Variants in TTC3 observed in about 807,000 individuals in gnomAD.
TTC3 encodes the protein tetratricopeptide repeat domain 3.
TTC3 carries 180 observed loss-of-function variants against 249.6 expected under a neutral mutation model. The ratio of observed to expected loss-of-function variants is 0.72; its 90% CI spans 0.64 to 0.82. The LOEUF (loss-of-function observed/expected upper bound fraction) is 0.82, where lower values mean the gene tolerates loss of function less well. Ranked by LOEUF, TTC3 falls within the 40% of genes least tolerant of loss-of-function variation. The pLI, the probability that TTC3 is intolerant of heterozygous loss-of-function variation, is 0.00. For synonymous variants in TTC3, 717 were observed against 805.0 expected (o/e 0.89, Z 1.85); for missense variants, 2,061 against 2,398.4 (o/e 0.86, Z 2.94).
intron 35 of TTC3, among the ~76,000 whole-genome samples, chr21:37,180,087 G>C (rs2082618859): frequency 6.6e-6 from 1 of 152,200 alleles, no homozygotes. Context: ...TGCTGGTCTT[G>C]TGGGGCGTTT....
chr21:37,132,811 C>G, intron 17 of TTC3, 45 bp downstream of exon 17: 1 of 1,450,400 alleles, frequency 6.9e-7, no homozygotes, highest in Non-Finnish European at 9.4e-7. Flanking sequence ...ACTCTTTGAA[C>G]AAAACATTGT....
intron 23 of TTC3, among the ~76,000 whole-genome samples, chr21:37,149,649 G>A (rs186011426): frequency 9.4e-4 from 143 of 152,268 alleles, no homozygotes; most frequent in Non-Finnish European, 1.6e-3. Flanking sequence ...GACTTGTCCT[G>A]CAGTTCTGCA....
chr21:37,138,660 T>C (rs1282303858), exon 19 of TTC3: 1 of 1,612,684 alleles, frequency 6.2e-7, no homozygotes, highest in African/African-American at 1.3e-5. Context: ...TGATTAACTA[T>C]GTTTTGGTCG....
intron 31 of TTC3, among the ~76,000 whole-genome samples, chr21:37,162,674 A>AT (rs11415335): frequency 1 from 152,254 of 152,254 alleles, 76,127 homozygotes; most frequent in Non-Finnish European, 1. Context: ...TTACGTGGTC[A>AT]TTTCATGGAT....
chr21:37,123,898 G>C (rs1033460641), intron 13 of TTC3, among the ~76,000 whole-genome samples: 2 of 151,652 alleles, frequency 1.3e-5, no homozygotes, highest in African/African-American at 4.8e-5. Flanking sequence ...ACAGGCGGCT[G>C]CCACCACGCC....
chr21:37,149,970 T>A, intron 23 of TTC3, 108 bp from the exon 24 acceptor site: 9 of 770,206 alleles, frequency 1.2e-5, no homozygotes, highest in Non-Finnish European at 1.6e-5. Flanking sequence ...TGAAGATGGT[T>A]TTAGTCCGTA....
At chr21:37,195,890 C>T in exon 42 of TTC3, 2 of 1,614,242 alleles carry the variant, frequency 1.2e-6, no homozygotes, top group African/African-American at 1.3e-5. Context: ...AACGGGCTGG[C>T]CAGGCAGCTC....
intron 11 of TTC3, among the ~76,000 whole-genome samples, chr21:37,114,852 A>G (rs1383356843): frequency 2.0e-5 from 3 of 152,192 alleles, no homozygotes; most frequent in Non-Finnish European, 2.9e-5. Context: ...CTAAGCAGCC[A>G]TAAAAAATGA....
intron 23 of TTC3, among the ~76,000 whole-genome samples, chr21:37,149,790 T>A (rs1375191287): frequency 6.6e-6 from 1 of 152,210 alleles, no homozygotes; most frequent in Non-Finnish European, 1.5e-5. Context: ...CAATGTCCAG[T>A]CTATGAAGTG....
At chr21:37,131,220 G>A (rs1026432448) in intron 16 of TTC3, among the ~76,000 whole-genome samples, 5 of 152,052 alleles carry the variant, frequency 3.3e-5, no homozygotes, top group African/African-American at 1.2e-4. Context: ...TCAGGAGGAG[G>A]TCTCGTCACT....
chr21:37,154,847 C>T (rs946934284), intron 27 of TTC3, among the ~76,000 whole-genome samples: 21 of 152,142 alleles, frequency 1.4e-4, no homozygotes, highest in African/African-American at 4.8e-4. Flanking sequence ...AGGTGCCTGC[C>T]ACCACGCCTG....
chr21:37,122,418 TAATATATATATATATATATTATA>T (rs1201536571), intron 12 of TTC3, among the ~76,000 whole-genome samples: 1 of 31,442 alleles, frequency 3.2e-5, no homozygotes, highest in African/African-American at 1.1e-4. Flanking sequence ...TATATATATA[TAATATATATATATATATATTATA>T]TATATATATA....
At chr21:37,141,978 T>TA (rs2078514124) in intron 20 of TTC3, among the ~76,000 whole-genome samples, 1 of 152,146 alleles carries the variant, frequency 6.6e-6, no homozygotes, top group African/African-American at 2.4e-5. Flanking sequence ...ATCCAGCATA[T>TA]AAACAGAACC....
intron 15 of TTC3, among the ~76,000 whole-genome samples, chr21:37,128,407 C>T (rs1016356154): frequency 6.6e-6 from 1 of 152,226 alleles, no homozygotes; most frequent in Non-Finnish European, 1.5e-5. Context: ...AGCCCTTTTC[C>T]AGCCTTCCAC....
chr21:37,102,644 C>T (rs1171704181), intron 10 of TTC3, among the ~76,000 whole-genome samples: 1 of 152,166 alleles, frequency 6.6e-6, no homozygotes. Context: ...CACAGTCAGA[C>T]AGAACTGGGC....
chr21:37,126,084 C>T lies in TTC3; in HGVS notation c.1238C>T (p.Ala413Val), dbSNP rs146104263. 1.2e-4 allele frequency: 190 copies of T among 1,597,436 alleles called. 1 individual carries two copies. The highest frequency in any genetic ancestry group is 1.5e-4 in the Admixed American group (9 of 58,924). ...TCTCACTAATTTCATTGGCAGGTGG[C>T]GGATGAGGCGTTGAAGGTAGATGAT... The change falls in exon 15 of 46, where the codon GCG becomes GTG. Residue 413 changes from alanine (A) to valine (V), a missense_variant. Physicochemically the swap from Ala to Val is moderately conservative, Grantham distance 64 (BLOSUM62 0). Coordinates refer to ENST00000355666, the Ensembl canonical transcript of TTC3.
At position 37,151,812 on chromosome 21, in the gene TTC3, T is replaced by C. The variant is rs926437078; in HGVS notation, c.2277-81T>C. 18 of 1,421,148 alleles carry C rather than the reference T, an allele frequency of 1.3e-5. No homozygotes were observed. In the Admixed American group the frequency reaches 4.6e-4, roughly 36 times the overall value. 88.0% of individuals were successfully genotyped at this position (1,421,148 alleles called of 1,614,324 possible). ...CTGATTAAAAAAGGAAAACTTCTAA[T>C]ATATTGCTTGGAAGATGGTTTCTAC... On this transcript the variant is annotated intron_variant, in intron 25 of 45. Coordinates refer to ENST00000355666, the Ensembl canonical transcript of TTC3.
At chr21:37,075,319 C>G (rs558952606) in intron 1 of TTC3, among the ~76,000 whole-genome samples, 2 of 152,268 alleles carry the variant, frequency 1.3e-5, no homozygotes, top group Admixed American at 6.5e-5. Flanking sequence ...TGTTGATAGA[C>G]TTTGAACTTG....
At chr21:37,090,594 G>T (rs1483361088) in intron 6 of TTC3, 1 of 923,574 alleles carries the variant, frequency 1.1e-6, no homozygotes, top group Non-Finnish European at 1.3e-6. Flanking sequence ...CCTCTGGTAT[G>T]AATATTTTTT....
Sources: allele counts gnomAD v4.1 joint callset (sites outside exome capture counted in the v4.1 genomes callset), GRCh38; gene constraint gnomAD v4.1.1; transcripts MANE v1.5; gene names NCBI Gene and HGNC (gene_info 2026-07-23, HGNC 2026-07-21).